TTC6: variants seen among roughly 807,000 people sequenced by gnomAD.
TTC6 encodes the protein tetratricopeptide repeat protein 6.
Under a neutral mutation model 210.4 loss-of-function variants are expected in TTC6, and 172 were observed. The observed-to-expected ratio is 0.82, with a 90% CI of 0.72 to 0.93. The LOEUF (loss-of-function observed/expected upper bound fraction) is 0.93. Among genes scored for constraint, TTC6 ranks in the 40% least tolerant of loss-of-function variants. The pLI is 0.00. For missense variants in TTC6, 2,414 were observed against 2,318.1 expected, an observed-to-expected ratio of 1.04 and a Z score of -0.85; for synonymous variants, 804 against 819.6, an observed-to-expected ratio of 0.98 and a Z score of 0.32.
chr14:37,639,795 A>C (rs1001185173), intron 1 of TTC6, among the ~76,000 whole-genome samples: 1 of 149,762 alleles, frequency 6.7e-6, no homozygotes, highest in Admixed American at 6.7e-5. Context: ...TTGAGGCAGG[A>C]GAATTGCTTA....
chr14:37,641,274 C>T (rs2095691287), intron 1 of TTC6, among the ~76,000 whole-genome samples: 1 of 152,220 alleles, frequency 6.6e-6, no homozygotes, highest in South Asian at 2.1e-4. Flanking sequence ...TAGCTGTAAA[C>T]AGCCTGAAGC....
intron 14 of TTC6, among the ~76,000 whole-genome samples, chr14:37,766,593 T>C (rs1172296893): frequency 1.3e-5 from 2 of 152,198 alleles, no homozygotes; most frequent in African/African-American, 2.4e-5. Context: ...TACCACGTTT[T>C]CTTTACTCAA....
At chr14:37,607,574 T>C (rs1287963407) in intron 2 of TTC6, among the ~76,000 whole-genome samples, 2 of 152,168 alleles carry the variant, frequency 1.3e-5, no homozygotes, top group Non-Finnish European at 2.9e-5. Flanking sequence ...GAAAAGTTCA[T>C]GAAAGTAGAA....
At chr14:37,810,316 C>T (rs558256615) in intron 24 of TTC6, among the ~76,000 whole-genome samples, 3 of 152,214 alleles carry the variant, frequency 2.0e-5, no homozygotes, top group Non-Finnish European at 2.9e-5. Flanking sequence ...ATGGGCTGGG[C>T]GAGGAGGGAA....
chr14:37,701,484 C>G (rs1228744095), exon 5 of TTC6: 1 of 1,519,028 alleles, frequency 6.6e-7, no homozygotes, highest in African/African-American at 1.4e-5. Flanking sequence ...TTTGGAACCT[C>G]TTTCTTAGAT....
intron 7 of TTC6, among the ~76,000 whole-genome samples, chr14:37,727,826 A>T (rs1480070865): frequency 6.6e-6 from 1 of 151,372 alleles, no homozygotes; most frequent in Admixed American, 6.6e-5. Flanking sequence ...TTTTGTTTAA[A>T]TTTTATTCTT....
At chr14:37,762,482 TTTG>T (rs577334701) in intron 14 of TTC6, among the ~76,000 whole-genome samples, 1 of 152,202 alleles carries the variant, frequency 6.6e-6, no homozygotes, top group Non-Finnish European at 1.5e-5. Flanking sequence ...CCTCGCCAAA[TTTG>T]TTATCTTTCA....
At chr14:37,743,099 A>C (rs2057758369) in intron 10 of TTC6, among the ~76,000 whole-genome samples, 1 of 152,180 alleles carries the variant, frequency 6.6e-6, no homozygotes, top group Non-Finnish European at 1.5e-5. Context: ...TCCAACCCAA[A>C]GGCTTGACTT....
intron 8 of TTC6, 87 bp from the exon 11 acceptor site, chr14:37,737,572 TA>T: frequency 1.5e-6 from 1 of 654,826 alleles, no homozygotes; most frequent in Non-Finnish European, 2.4e-6. Flanking sequence ...TTAATTTACC[TA>T]AACAGTTATT....
At chr14:37,717,378 C>T (rs2095854435) in intron 6 of TTC6, among the ~76,000 whole-genome samples, 1 of 151,608 alleles carries the variant, frequency 6.6e-6, no homozygotes, top group Admixed American at 6.6e-5. Flanking sequence ...TACTACAGAC[C>T]CTGCAGATAT....
intron 14 of TTC6, among the ~76,000 whole-genome samples, chr14:37,784,236 T>C (rs1021600072): frequency 6.6e-6 from 1 of 152,168 alleles, no homozygotes; most frequent in East Asian, 1.9e-4. Context: ...AAGTCTCCCA[T>C]TATTATTGTG....
chr14:37,763,406 T>C (rs1210572300), intron 14 of TTC6, among the ~76,000 whole-genome samples: 1 of 152,188 alleles, frequency 6.6e-6, no homozygotes, highest in Non-Finnish European at 1.5e-5. Context: ...TTTCAGACAC[T>C]TGGTAGAATT....
At chr14:37,748,120 TAAG>T (rs2095941398) in intron 10 of TTC6, among the ~76,000 whole-genome samples, 1 of 152,132 alleles carries the variant, frequency 6.6e-6, no homozygotes, top group Admixed American at 6.6e-5. Flanking sequence ...AGCAGGGAAT[TAAG>T]AAATTATTCT....
At position 37,725,386 on chromosome 14, in the gene TTC6, T is replaced by C. The variant is rs1175646115; in HGVS notation, c.1818+384T>C. ...TTTTTTTGAGATGGAGTTTTGCTCT[T>C]GTTGCCCAGGCTGGAGGGCAATGGT... On this transcript the variant is annotated intron_variant, in intron 7 of 30. Transcript: ENST00000553443. Among the ~76,000 whole-genome samples, 4 of 143,836 alleles carry C rather than the reference T, an allele frequency of 2.8e-5. No individual in the cohort carries two copies. In the Admixed American group the frequency reaches 2.8e-4, roughly 10 times the overall value. 94.4% of individuals were successfully genotyped at this position (143,836 alleles called of 152,430 possible).
At chr14:37,721,230 T>C (rs1023960412) in intron 6 of TTC6, among the ~76,000 whole-genome samples, 1 of 152,214 alleles carries the variant, frequency 6.6e-6, no homozygotes, top group Non-Finnish European at 1.5e-5. Context: ...TGTTAAAATC[T>C]ATTGTTTTAT....
intron 16 of TTC6, 99 bp from the exon 19 acceptor site, chr14:37,792,165 A>C: frequency 1.1e-6 from 1 of 937,812 alleles, no homozygotes; most frequent in Non-Finnish European, 1.5e-6. Context: ...ACTCTGATGA[A>C]TACTGATGCA....
chr14:37,663,240 G>A (rs2095741022), intron 1 of TTC6, among the ~76,000 whole-genome samples: 1 of 152,034 alleles, frequency 6.6e-6, no homozygotes, highest in South Asian at 2.1e-4. Context: ...GGTGAATTTT[G>A]TGCGTTGATT....
chr14:37,748,113 A>G (rs1186625840), intron 10 of TTC6, among the ~76,000 whole-genome samples: 2 of 152,232 alleles, frequency 1.3e-5, no homozygotes, highest in Non-Finnish European at 2.9e-5. Context: ...AAGTAGAAGC[A>G]GGGAATTAAG....
At chr14:37,656,500 GGTGTGTGTGTGTGC>G (rs1161842799) in intron 1 of TTC6, among the ~76,000 whole-genome samples, 1 of 137,188 alleles carries the variant, frequency 7.3e-6, no homozygotes, top group Non-Finnish European at 1.5e-5. Flanking sequence ...AACCTAGTCA[GGTGTGTGTGTGTGC>G]GTGTGTGTGT....
Sources: allele counts gnomAD v4.1 joint callset (sites outside exome capture counted in the v4.1 genomes callset), GRCh38; gene constraint gnomAD v4.1.1; transcripts MANE v1.5; gene names NCBI Gene and HGNC (gene_info 2026-07-23, HGNC 2026-07-21).